WDPCP: variants seen among roughly 807,000 people sequenced by gnomAD.
WDPCP encodes WD repeat containing planar cell polarity effector, also known as WD repeat-containing and planar cell polarity effector protein fritz homolog.
In WDPCP, 71 loss-of-function variants were observed where a neutral mutation model predicts 93.1. The ratio of observed to expected loss-of-function variants is 0.76; its 90% CI spans 0.63 to 0.93. The LOEUF is 0.93. Among genes scored for constraint, WDPCP ranks in the 40% least tolerant of loss-of-function variants. WDPCP has a pLI of 0.00. For synonymous variants in WDPCP, 315 were observed against 315.0 expected (o/e 1.00, Z 0.00); for missense variants, 844 against 887.4 (o/e 0.95, Z 0.62).
At chr2:63,202,843 C>G (rs1262389888) in intron 14 of WDPCP, among the ~76,000 whole-genome samples, 1 of 152,112 alleles carries the variant, frequency 6.6e-6, no homozygotes, top group South Asian at 2.1e-4. Flanking sequence ...CTTCCTCCTC[C>G]TCCTTCCTTC....
intron 3 of WDPCP, chr2:63,599,058 C>G: frequency 2.0e-6 from 2 of 986,592 alleles, no homozygotes; most frequent in African/African-American, 3.3e-5. Flanking sequence ...TGGTGTTTCC[C>G]AAGCCTCCCC....
Position 63,605,948 on chromosome 2 carries a change from G to A in WDPCP, n.488+44711C>T, listed in dbSNP as rs1245540184. 4 of 1,613,562 alleles carry A rather than the reference G, an allele frequency of 2.5e-6. No individual in the cohort carries two copies. In the Admixed American group the frequency reaches 6.7e-5, roughly 27 times the overall value. On this transcript the variant is annotated intron_variant and non_coding_transcript_variant, in intron 3 of 4. Transcript: ENST00000467687. ...ACATTGTTATTTTCAGGGAGAGTTT[G>A]TGTCCATGGGTGTTATCTCTGATGG... is the stretch of plus-strand genomic sequence containing the variant.
chr2:63,436,556 C>A lies in WDPCP; in HGVS notation c.633+865G>T, dbSNP rs534402300. ...AGCTACAGAGCTAGCTTCTCAAACT[C>A]TTTGCTCTTGCTACAGATGCTCTAG... On this transcript the variant is annotated intron_variant, in intron 8 of 17. Coordinates refer to ENST00000272321, the MANE Select transcript of WDPCP (RefSeq NM_015910.7). Among the ~76,000 whole-genome samples the A allele has an allele frequency of 3.3e-5, 5 of 152,200 alleles. No homozygotes were observed. In the East Asian group the frequency reaches 9.7e-4, roughly 29 times the overall value.
chr2:63,540,608 G>A (rs745566331), intron 1 of WDPCP, among the ~76,000 whole-genome samples: 1 of 152,192 alleles, frequency 6.6e-6, no homozygotes, highest in Non-Finnish European at 1.5e-5. Context: ...GTTTATAAAC[G>A]TGTCTCTGTA....
chr2:63,340,142 A>T (rs564713566), intron 12 of WDPCP, among the ~76,000 whole-genome samples: 1 of 151,852 alleles, frequency 6.6e-6, no homozygotes, highest in South Asian at 2.1e-4. Flanking sequence ...TTTGTTTTTT[A>T]TTGAATATAT....
chr2:63,789,541 G>A (rs1040115777), intron 2 of WDPCP, among the ~76,000 whole-genome samples: 3 of 152,062 alleles, frequency 2.0e-5, no homozygotes, highest in Admixed American at 6.6e-5. Context: ...GACCAGTTTC[G>A]GCAGAGTGGT....
intron 12 of WDPCP, among the ~76,000 whole-genome samples, chr2:63,370,844 G>T (rs1691317627): frequency 6.6e-6 from 1 of 151,808 alleles, no homozygotes; most frequent in African/African-American, 2.4e-5. Flanking sequence ...TCTTGTCAAA[G>T]AAGAAATGTT....
At chr2:63,736,368 C>A (rs1167492476) in intron 2 of WDPCP, among the ~76,000 whole-genome samples, 1 of 152,174 alleles carries the variant, frequency 6.6e-6, no homozygotes, top group African/African-American at 2.4e-5. Flanking sequence ...GTACCACATG[C>A]CTTACTTATC....
At chr2:63,568,964 G>A (rs540173167) in intron 1 of WDPCP, among the ~76,000 whole-genome samples, 1 of 152,332 alleles carries the variant, frequency 6.6e-6, no homozygotes, top group East Asian at 1.9e-4. Flanking sequence ...GCTTCTAAGA[G>A]AAGTTACTAT....
chr2:63,261,622 C>T (rs1027134942), intron 13 of WDPCP, among the ~76,000 whole-genome samples: 1 of 152,082 alleles, frequency 6.6e-6, no homozygotes, highest in Non-Finnish European at 1.5e-5. Context: ...GAAGTGTTAC[C>T]TCCTCTGAAA....
chr2:63,414,151 G>A (rs531568304), intron 9 of WDPCP, among the ~76,000 whole-genome samples: 57 of 152,142 alleles, frequency 3.7e-4, no homozygotes, highest in African/African-American at 1.3e-3. Context: ...CTTCAAGAAT[G>A]GCCATAATCA....
upstream of WDPCP, among the ~76,000 whole-genome samples, chr2:63,592,070 T>C (rs985675356): frequency 6.6e-6 from 1 of 152,188 alleles, no homozygotes; most frequent in Non-Finnish European, 1.5e-5. Flanking sequence ...TCTAGCCCCC[T>C]GTTTTAGAAA....
intron 9 of WDPCP, among the ~76,000 whole-genome samples, chr2:63,420,930 G>A (rs902916965): frequency 1.3e-5 from 2 of 152,064 alleles, no homozygotes; most frequent in African/African-American, 2.4e-5. Context: ...GTGATGCTAT[G>A]AACACTATTG....
At chr2:63,212,408 A>C (rs1294047323) in intron 14 of WDPCP, among the ~76,000 whole-genome samples, 1 of 152,212 alleles carries the variant, frequency 6.6e-6, no homozygotes, top group Non-Finnish European at 1.5e-5. Context: ...TTTACAGACA[A>C]GCAAATGCTG....
At chr2:63,501,330 G>A (rs1191453930) in intron 1 of WDPCP, among the ~76,000 whole-genome samples, 2 of 152,308 alleles carry the variant, frequency 1.3e-5, no homozygotes, top group South Asian at 2.1e-4. Context: ...TTAGGAGGCC[G>A]AGGTAGAAGG....
chr2:63,338,412 C>T (rs1245813597), intron 12 of WDPCP, among the ~76,000 whole-genome samples: 1 of 151,356 alleles, frequency 6.6e-6, no homozygotes, highest in Non-Finnish European at 1.5e-5. Flanking sequence ...ATTAGCCAAG[C>T]ATGGTGACGG....
intron 2 of WDPCP, among the ~76,000 whole-genome samples, chr2:63,692,796 C>G (rs997345850): frequency 6.6e-6 from 1 of 152,160 alleles, no homozygotes; most frequent in Non-Finnish European, 1.5e-5. Context: ...TTTCCCTTGA[C>G]ATTCTTATGT....
intron 15 of WDPCP, among the ~76,000 whole-genome samples, chr2:63,170,124 G>T (rs771531187): frequency 6.6e-5 from 10 of 150,930 alleles, no homozygotes; most frequent in Non-Finnish European, 1.3e-4. Flanking sequence ...GAGTCCCTGG[G>T]CTCAAGGGAT....
chr2:63,589,010 G>A (rs1341555173), upstream of WDPCP: 3 of 1,614,072 alleles, frequency 1.9e-6, no homozygotes, highest in African/African-American at 4.0e-5. Context: ...GGCTCATTTT[G>A]CAGTTGTTGA....
Sources: gnomAD v4.1 joint callset for allele counts (sites outside exome capture counted in the v4.1 genomes callset) on GRCh38, gnomAD v4.1.1 for gene constraint, MANE v1.5 for transcripts, NCBI Gene and HGNC (gene_info 2026-07-23, HGNC 2026-07-21) for gene names.